STX5: variants seen among roughly 807,000 people sequenced by gnomAD.
STX5 encodes the protein syntaxin-5.
STX5 carries 15 observed loss-of-function variants against 42.9 expected under a neutral mutation model. The observed-to-expected ratio is 0.35, with a 90% CI of 0.23 to 0.54. STX5 has a LOEUF of 0.54. STX5 is among the 20% of genes least tolerant of loss of function. The pLI, the probability that STX5 is intolerant of heterozygous loss-of-function variation, is 0.91. For synonymous variants in STX5, 184 were observed against 173.2 expected (o/e 1.06, Z -0.49); for missense variants, 430 against 455.0 (o/e 0.95, Z 0.50).
intron 10 of STX5, among the ~76,000 whole-genome samples, chr11:62,810,371 G>C (rs1304563553): frequency 6.6e-6 from 1 of 152,186 alleles, no homozygotes; most frequent in African/African-American, 2.4e-5. Context: ...GTGCCCAGGA[G>C]TTTGAGGCTG....
At chr11:62,821,499 C>T (rs7114177) in intron 10 of STX5, among the ~76,000 whole-genome samples, 1 of 151,830 alleles carries the variant, frequency 6.6e-6, no homozygotes, top group Non-Finnish European at 1.5e-5. Context: ...CCGAAGTGGG[C>T]GGATTGCCTG....
At chr11:62,824,997 C>T (rs758387313) in intron 8 of STX5, 39 bp downstream of exon 8, 2 of 1,602,850 alleles carry the variant, frequency 1.2e-6, no homozygotes, top group Non-Finnish European at 1.7e-6. Flanking sequence ...GAGTAAGTAA[C>T]CTTACCTCCC....
chr11:62,811,617 G>GC, intron 10 of STX5, among the ~76,000 whole-genome samples: 1 of 150,888 alleles, frequency 6.6e-6, no homozygotes, highest in Admixed American at 6.6e-5. Flanking sequence ...AGGCCCCTTG[G>GC]CCCCATCTAG....
chr11:62,828,883 A>G (rs2134858066), intron 2 of STX5, among the ~76,000 whole-genome samples: 1 of 152,074 alleles, frequency 6.6e-6, no homozygotes, highest in East Asian at 1.9e-4. Flanking sequence ...TGGCGAACAC[A>G]GTGAAACCCC....
rs532766217 is a variant in STX5 at position 62,821,338 on chromosome 11, A to G, written c.908+2828T>C. On this transcript the variant is annotated intron_variant, in intron 10 of 10. Coordinates refer to ENST00000294179, the MANE Select transcript of STX5 (RefSeq NM_003164.5). ...AAGAAAAACCTGTCAAAATCTTGAA[A>G]CCCTCTTGCTTCATCCTTTATTCTA... Among the ~76,000 whole-genome samples, 21 of 151,838 alleles carry G rather than the reference A, an allele frequency of 1.4e-4. No individual in the cohort carries two copies. In the South Asian group the frequency reaches 4.2e-3, roughly 30 times the overall value.
intron 10 of STX5, among the ~76,000 whole-genome samples, chr11:62,809,673 CAAAAAAAAAAA>C (rs749188946): frequency 0.063 from 1,195 of 19,018 alleles, 10 homozygotes; most frequent in African/African-American, 0.16. Flanking sequence ...GACTCTGTCT[CAAAAAAAAAAA>C]AAAAAAAAAA....
rs749188946 is a variant in STX5 at position 62,809,673 on chromosome 11, CAAAAAAAA to C, written c.909-2053_909-2046del. On this transcript the variant is annotated intron_variant, in intron 10 of 10. Transcript: ENST00000294179. ...TGGGAAACAGAGCAAGACTCTGTCT[CAAAAAAAA>C]AAAAAAAAAAAAAAAAAAAAAAAAG... Among the ~76,000 whole-genome samples the C allele has an allele frequency of 1.4e-3, 27 of 19,174 alleles. No individual in the cohort carries two copies. In the East Asian group the frequency reaches 0.053, roughly 38 times the overall value. The allele number at this position is 19,174 out of a possible 152,430, so 12.6% of individuals were successfully genotyped here.
intron 1 of STX5, among the ~76,000 whole-genome samples, chr11:62,831,702 G>A (rs541521434): frequency 1.3e-5 from 2 of 151,932 alleles, no homozygotes; most frequent in East Asian, 3.9e-4. Flanking sequence ...GTGTTTATTT[G>A]AAACAGGAAG....
At chr11:62,831,330 A>C in intron 1 of STX5, 68 bp from the exon 2 acceptor site, 2 of 1,145,362 alleles carry the variant, frequency 1.7e-6, no homozygotes, top group Non-Finnish European at 2.6e-6. Flanking sequence ...CCCCACCCCA[A>C]TCAACAAATC....
At chr11:62,831,851 C>T (rs903212287) in intron 1 of STX5, 103 bp downstream of exon 1, 12 of 454,320 alleles carry the variant, frequency 2.6e-5, no homozygotes, top group African/African-American at 2.2e-4. Context: ...CAGGACTTGC[C>T]CGCTCGCCCC....
At chr11:62,830,136 C>G (rs1001925722) in intron 2 of STX5, among the ~76,000 whole-genome samples, 3 of 147,430 alleles carry the variant, frequency 2.0e-5, no homozygotes, top group African/African-American at 7.4e-5. Context: ...GTAGCTGGGA[C>G]TACAGGCACA....
intron 10 of STX5, among the ~76,000 whole-genome samples, chr11:62,819,220 GAAAAAAAAAAAAAAAAAAAAAAA>G (rs57390432): frequency 3.7e-4 from 11 of 29,602 alleles, no homozygotes; most frequent in East Asian, 1.4e-3. Context: ...GACTCTGTCT[GAAAAAAAAAAAAAAAAAAAAAAA>G]AAAAAAAAAA....
At chr11:62,811,476 A>G (rs957593645) in intron 10 of STX5, among the ~76,000 whole-genome samples, 1 of 152,006 alleles carries the variant, frequency 6.6e-6, no homozygotes, top group Non-Finnish European at 1.5e-5. Flanking sequence ...ATGCTGAATA[A>G]TTCTGCACTC....
Position 62,807,316 on chromosome 11 carries a change from G to T in STX5, c.*153C>A. The T allele has an allele frequency of 1.6e-6, 2 of 1,235,524 alleles. No individual in the cohort carries two copies. The highest frequency in any genetic ancestry group is 2.2e-6 in the Non-Finnish European group (2 of 912,162). 76.5% of individuals were successfully genotyped at this position (1,235,524 alleles called of 1,614,324 possible). A position where few individuals can be genotyped will look rare whatever the true frequency, so the allele number is the denominator to read the frequency against. On this transcript the variant is annotated 3_prime_UTR_variant, in exon 11 of 11. Coordinates refer to ENST00000294179, the MANE Select transcript of STX5 (RefSeq NM_003164.5). ...GAGGACAGGGTGGCCAGAGGCAAGG[G>T]GTGGGGGATCAGGGGCAGTGGTCAT...
intron 2 of STX5, among the ~76,000 whole-genome samples, chr11:62,828,832 C>T (rs1273321716): frequency 6.6e-6 from 1 of 150,856 alleles, no homozygotes; most frequent in Non-Finnish European, 1.5e-5. Flanking sequence ...TTTGGGAGGC[C>T]GAGGCAAGCA....
Position 62,831,032 on chromosome 11 carries a change from A to T in STX5, c.212T>A (p.Leu71Gln). The change falls in exon 2 of 11, where the codon CTG becomes CAG. Residue 71 changes from leucine (L) to glutamine (Q), a missense_variant. Leu to Gln is a moderately radical substitution (Grantham distance 113, BLOSUM62 -2). Coordinates refer to ENST00000294179, the MANE Select transcript of STX5 (RefSeq NM_003164.5). ...CCAGGTCCTTACCTGACGGGTCTGC[A>T]GCGACTTGCAGGCAGACAGAAACTC... ...TQEFLSACKSLQTRQNGIQTN... is the reference protein window; with the variant it reads ...TQEFLSACKSQQTRQNGIQTN... 1 of 1,551,628 alleles carries T rather than the reference A, an allele frequency of 6.4e-7. No individual in the cohort carries two copies. The highest frequency in any genetic ancestry group is 8.7e-7 in the Non-Finnish European group (1 of 1,147,964).
chr11:62,821,065 C>G (rs1470786966), intron 10 of STX5, among the ~76,000 whole-genome samples: 1 of 150,904 alleles, frequency 6.6e-6, no homozygotes, highest in African/African-American at 2.4e-5. Context: ...ATCCTAGCAC[C>G]CTGGGAGGCC....
At chr11:62,815,340 T>G (rs537777558) in intron 10 of STX5, among the ~76,000 whole-genome samples, 1 of 152,068 alleles carries the variant, frequency 6.6e-6, no homozygotes, top group Non-Finnish European at 1.5e-5. Context: ...TTATTTTTTA[T>G]TTTTTAGGAC....
At chr11:62,811,580 A>C (rs1590962466) in intron 10 of STX5, among the ~76,000 whole-genome samples, 1 of 151,292 alleles carries the variant, frequency 6.6e-6, no homozygotes. Context: ...ATTCCCTCCA[A>C]GTCTTAGCTT....
Sources: gnomAD v4.1 joint callset for allele counts (sites outside exome capture counted in the v4.1 genomes callset) on GRCh38, gnomAD v4.1.1 for gene constraint, MANE v1.5 for transcripts, NCBI Gene and HGNC (gene_info 2026-07-23, HGNC 2026-07-21) for gene names.